Variants in CARD14 observed in about 807,000 individuals in gnomAD.
The protein encoded by CARD14 is caspase recruitment domain family member 14, also known as caspase recruitment domain-containing protein 14.
Under a neutral mutation model 111.5 loss-of-function variants are expected in CARD14, and 107 were observed. That is an observed-to-expected ratio of 0.96 (90% CI 0.82 to 1.13). The LOEUF is 1.13. Among genes scored for constraint, CARD14 ranks in the 50% most tolerant of loss-of-function variants. The pLI is 0.00. For missense variants in CARD14, 1,322 were observed against 1,362.3 expected (o/e 0.97, Z 0.47); for synonymous variants, 617 against 579.6 (o/e 1.06, Z -0.93).
In CARD14 at chr17:80,198,949, T is replaced by C. The variant is rs1598678280; in HGVS notation, c.1851+358T>C. On this transcript the variant is annotated intron_variant, in intron 16 of 23. Coordinates refer to ENST00000648509, the MANE Select transcript of CARD14 (RefSeq NM_001366385.1). The surrounding 1 kb of genome is among the most constrained non-coding windows in gnomAD (Gnocchi z 7.5). ...ACTGGGGCATTTCTTTTCTTTCTTT[T>C]TTTTTGTTTGTTGTTTTGAAACAGG... 14 of 1,125,522 alleles carry C rather than the reference T, an allele frequency of 1.2e-5. No homozygotes were observed. The highest frequency in any genetic ancestry group is 9.2e-5 in the Admixed American group (2 of 21,844). The allele number at this position is 1,125,522 out of a possible 1,614,324, so 69.7% of individuals were successfully genotyped here.
At chr17:80,186,221 T>C (rs1188327461) in intron 7 of CARD14, among the ~76,000 whole-genome samples, 2 of 152,068 alleles carry the variant, frequency 1.3e-5, no homozygotes, top group African/African-American at 2.4e-5. Context: ...TGGCTGACTT[T>C]GGACCAGGCC....
At chr17:80,190,727 C>T (rs761909062) in intron 9 of CARD14, 47 bp from the exon 10 acceptor site, 43 of 1,609,454 alleles carry the variant, frequency 2.7e-5, no homozygotes, top group Non-Finnish European at 3.6e-5. Flanking sequence ...AAGGCCAGAC[C>T]CTCAGAGCTG....
intron 20 of CARD14, 124 bp downstream of exon 20, chr17:80,204,465 C>A: frequency 3.2e-6 from 3 of 926,412 alleles, no homozygotes; most frequent in Non-Finnish European, 4.7e-6. Context: ...ATCTGGTCTT[C>A]AAGAATCATG....
rs1354209734 is a variant in CARD14, at chr17:80,189,024, C to G, written c.843+480C>G. On this transcript the variant is annotated intron_variant, in intron 8 of 23. Transcript: ENST00000648509. The surrounding 1 kb of genome is among the most constrained non-coding windows in gnomAD (Gnocchi z 4.7). ...TGAGATCACGCCACTGCACTCCAGC[C>G]TGGCGACAGAGGGAGACCCTGTCTC... Among the ~76,000 whole-genome samples the G allele has an allele frequency of 6.6e-6, 1 of 152,210 alleles. No homozygotes were observed. Among genetic ancestry groups the G allele is most frequent in the Non-Finnish European group, 1.5e-5 (1 of 68,040 alleles).
chr17:80,205,620 A>G lies in CARD14; in HGVS notation c.2659A>G (p.Thr887Ala), dbSNP rs754905711. 1 of 1,518,508 alleles carries G rather than the reference A, an allele frequency of 6.6e-7. No individual in the cohort carries two copies. The highest frequency in any genetic ancestry group is 8.9e-7 in the Non-Finnish European group (1 of 1,128,288). The allele number at this position is 1,518,508 out of a possible 1,614,324, so 94.1% of individuals were successfully genotyped here. A position where few individuals can be genotyped will look rare whatever the true frequency, so the allele number is the denominator to read the frequency against. The change falls in exon 22 of 24, where the codon ACC becomes GCC. Residue 887 changes from threonine (T) to alanine (A), a missense_variant. Physicochemically the swap from Thr to Ala is moderately conservative, Grantham distance 58. Coordinates refer to ENST00000648509, the MANE Select transcript of CARD14 (RefSeq NM_001366385.1). Reference sequence around the variant, plus strand: ...GGTGTCCGGGGGCCGCTGCTGGGTGACCCGCCATGCTGTGGAGTCCCTCAT... The same window carrying G: ...GGTGTCCGGGGGCCGCTGCTGGGTGGCCCGCCATGCTGTGGAGTCCCTCAT... ...GEVSGGRCWVTRHAVESLMEK... is the reference protein window; with the variant it reads ...GEVSGGRCWVARHAVESLMEK...
rs560546423 is a variant in CARD14, at chr17:80,200,340, G to A, written c.1852-1404G>A. On this transcript the variant is annotated intron_variant, in intron 16 of 23. Coordinates refer to ENST00000648509, the MANE Select transcript of CARD14 (RefSeq NM_001366385.1). The stretch of plus-strand genomic sequence containing the variant: ...CAACCTCCACCCCCTGGGTTCAAGC[G>A]ATTCTCTTGCCTCAGCCTCCCATGT... Among the ~76,000 whole-genome samples, 253 of 146,088 alleles carry A rather than the reference G, an allele frequency of 1.7e-3. 1 individual carries two copies. The highest frequency in any genetic ancestry group is 6.1e-3 in the African/African-American group (242 of 39,568).
At chr17:80,171,193 C>CCTTCCTT (rs2039892528) in intron 1 of CARD14, among the ~76,000 whole-genome samples, 1 of 91,522 alleles carries the variant, frequency 1.1e-5, no homozygotes, top group Non-Finnish European at 2.2e-5. Context: ...CTCCCTCCCT[C>CCTTCCTT]CCTCCCTCCC....
chr17:80,192,000 G>A (rs775226618), intron 11 of CARD14, among the ~76,000 whole-genome samples: 5 of 152,172 alleles, frequency 3.3e-5, no homozygotes, highest in African/African-American at 9.7e-5. Context: ...TCCTCCCTCC[G>A]CATGCGGAAC....
intron 1 of CARD14, 136 bp from the exon 2 acceptor site, chr17:80,172,770 G>A (rs1001971900): frequency 1.3e-5 from 2 of 151,812 alleles, no homozygotes; most frequent in African/African-American, 4.8e-5. Flanking sequence ...TCTAGGATGA[G>A]GCCCATCTCC....
chr17:80,202,763 AC>A, intron 18 of CARD14: 1 of 369,614 alleles, frequency 2.7e-6, no homozygotes, highest in Non-Finnish European at 4.5e-6. Flanking sequence ...TGGCCGCCCT[AC>A]CCAGGATGCC....
In CARD14 at chr17:80,208,435, G is replaced by A; in HGVS notation, c.*90G>A. The A allele has an allele frequency of 1.6e-6, 2 of 1,250,604 alleles. No individual in the cohort carries two copies. The highest frequency in any genetic ancestry group is 1.6e-5 in the South Asian group (1 of 63,134). 77.5% of individuals were successfully genotyped at this position (1,250,604 alleles called of 1,614,324 possible). ...CAGCCCAGGCCCTCTTGGCACAGCTGTGGGCTCCTTGGCACATGAGGCCGG... is the reference window on the plus strand; with the variant it reads ...CAGCCCAGGCCCTCTTGGCACAGCTATGGGCTCCTTGGCACATGAGGCCGG... On this transcript the variant is annotated 3_prime_UTR_variant, in exon 24 of 24. Coordinates refer to ENST00000648509, the MANE Select transcript of CARD14 (RefSeq NM_001366385.1).
chr17:80,176,184 CT>C (rs2040022531), intron 2 of CARD14, among the ~76,000 whole-genome samples: 1 of 149,222 alleles, frequency 6.7e-6, no homozygotes. Flanking sequence ...AATCCTAGCA[CT>C]TTCGGAGGCT....
chr17:80,196,132 C>T (rs1203835114), intron 14 of CARD14: 1 of 154,602 alleles, frequency 6.5e-6, no homozygotes, highest in Non-Finnish European at 1.4e-5. Flanking sequence ...GACCGGCCCT[C>T]TCTGCTTCCC....
intron 18 of CARD14, 137 bp downstream of exon 18, chr17:80,202,557 C>T (rs2144467448): frequency 6.9e-7 from 1 of 1,454,738 alleles, no homozygotes; most frequent in African/African-American, 1.4e-5. Flanking sequence ...GGAAGCCTGC[C>T]AAGATCACTG....
At chr17:80,202,757 C>T (rs1029817054) in intron 18 of CARD14, 10 of 396,054 alleles carry the variant, frequency 2.5e-5, no homozygotes, top group East Asian at 1.4e-4. Context: ...CATCCCTGGC[C>T]GCCCTACCCA....
intron 12 of CARD14, among the ~76,000 whole-genome samples, chr17:80,193,253 G>GGATCC (rs2040584531): frequency 9.1e-6 from 1 of 109,290 alleles, no homozygotes; most frequent in African/African-American, 3.4e-5. Context: ...AGTTTCCAGG[G>GGATCC]GATTCAACCT....
rs1473884147 is a variant in CARD14 at position 80,208,555 on chromosome 17, C to T, written c.*210C>T. The stretch of plus-strand genomic sequence containing the variant: ...GTAACTGCACACTTTTCTGTGGAAA[C>T]ATCTTCACCCTTTACCAGGCTTGGC... On this transcript the variant is annotated 3_prime_UTR_variant, in exon 24 of 24. Transcript: ENST00000648509. The T allele has an allele frequency of 7.9e-6, 4 of 506,552 alleles. No individual in the cohort carries two copies. In the South Asian group the frequency reaches 1.0e-4, roughly 13 times the overall value. The allele number at this position is 506,552 out of a possible 1,614,324, so 31.4% of individuals were successfully genotyped here. A position where few individuals can be genotyped will look rare whatever the true frequency, so the allele number is the denominator to read the frequency against.
Position 80,204,253 on chromosome 17 carries a change from G to A in CARD14, c.2310G>A (p.Leu770=), listed in dbSNP as rs750412113. The change falls in exon 20 of 24, where the codon CTG becomes CTA. Residue 770 remains leucine (L), a synonymous_variant. Coordinates refer to ENST00000648509, the MANE Select transcript of CARD14 (RefSeq NM_001366385.1). Reference sequence around the variant, plus strand: ...CATCTTCTGGGGGACCACAGAAGCTGGTCCGCATCGTCAGTATGGACAAAG... The same window carrying A: ...CATCTTCTGGGGGACCACAGAAGCTAGTCCGCATCGTCAGTATGGACAAAG... ...RKPSSGGPQK[L]VRIVSMDKAK... The A allele has an allele frequency of 1.1e-5, 17 of 1,596,512 alleles. No individual in the cohort carries two copies. Among genetic ancestry groups the A allele is most frequent in the African/African-American group, 1.3e-5 (1 of 74,590 alleles).
In CARD14 at chr17:80,198,189, G is replaced by A. The variant is rs2040787990; in HGVS notation, c.1658+27G>A. The A allele has an allele frequency of 1.2e-6, 2 of 1,612,518 alleles. No individual in the cohort carries two copies. The highest frequency in any genetic ancestry group is 2.7e-5 in the African/African-American group (2 of 74,918). On this transcript the variant is annotated intron_variant, in intron 15 of 23. Coordinates refer to ENST00000648509, the MANE Select transcript of CARD14 (RefSeq NM_001366385.1). The surrounding 1 kb of genome is among the most constrained non-coding windows in gnomAD (Gnocchi z 7.5). ...TAAGCAGCAGGTGGGAATCCTCCGA[G>A]GCTGGCTGGGGAACCAGGGCCAGGG...
Sources: allele counts gnomAD v4.1 joint callset (sites outside exome capture counted in the v4.1 genomes callset), GRCh38; gene constraint gnomAD v4.1.1; non-coding constraint Gnocchi (gnomAD v3.1); transcripts MANE v1.5; gene names NCBI Gene and HGNC (gene_info 2026-07-23, HGNC 2026-07-21).